The following TKT variants were observed in gnomAD, a reference collection of about 807,000 sequenced individuals.
TKT encodes the protein transketolase, also known as epididymis luminal protein 107.
Under a neutral mutation model 63.9 loss-of-function variants are expected in TKT, and 47 were observed. That is an observed-to-expected ratio of 0.74 (90% CI 0.58 to 0.94). The LOEUF is 0.94. Ranked by LOEUF, TKT falls within the 40% of genes least tolerant of loss-of-function variation. TKT has a pLI of 0.00. For synonymous variants in TKT, 338 were observed against 334.1 expected, an observed-to-expected ratio of 1.01 and a Z score of -0.13; for missense variants, 721 against 846.2, an observed-to-expected ratio of 0.85 and a Z score of 1.84.
At chr3:53,237,495 T>TACACATACACACAC (rs1705084838) in intron 4 of TKT, among the ~76,000 whole-genome samples, 1 of 144,898 alleles carries the variant, frequency 6.9e-6, no homozygotes, top group South Asian at 2.3e-4. Flanking sequence ...TTTTATATTA[T>TACACATACACACAC]ACACACACAC....
rs141784567 is a variant in TKT at position 53,229,096 on chromosome 3, T to C, written c.1306A>G (p.Met436Val). 1,374 of 1,614,124 alleles carry C rather than the reference T, an allele frequency of 8.5e-4. 32 individuals are homozygous for C. The East Asian group carries it at 0.024, about 28-fold the overall frequency. Reference sequence around the variant, plus strand: ...GTTGATGTGGGGACTGACCGAAACATAGCCAGATCTTCTAGGGCCATCTGG... The same window carrying C: ...GTTGATGTGGGGACTGACCGAAACACAGCCAGATCTTCTAGGGCCATCTGG... ...PSQMALEDLA[M>V]FRSVPTSTVF... The change falls in exon 10 of 14, where the codon ATG (methionine) becomes GTG (valine). Residue 436 changes from methionine (M) to valine (V), a missense_variant. Transcript: ENST00000462138.
intron 1 of TKT, 59 bp from the exon 2 acceptor site, chr3:53,242,301 G>A: frequency 6.6e-7 from 1 of 1,519,502 alleles, no homozygotes; most frequent in East Asian, 2.3e-5. Flanking sequence ...CTGAGCTATT[G>A]TGCTCAGCTG....
chr3:53,248,254 C>G (rs1553681210), intron 1 of TKT, among the ~76,000 whole-genome samples: 1 of 152,172 alleles, frequency 6.6e-6, no homozygotes, highest in East Asian at 1.9e-4. Context: ...CTGCCAGCAG[C>G]AGAGCTAGGA....
rs782018677 is a variant in TKT, at chr3:53,230,601, G to C, written c.963C>G (p.Tyr321Ter). The change falls in exon 8 of 14, where the codon TAC (tyrosine) becomes TAG (stop). Residue 321 changes from tyrosine (Y) to a stop codon, truncating the protein, a stop_gained. Coordinates refer to ENST00000462138, the MANE Select transcript of TKT (RefSeq NM_001064.4). LOFTEE classifies it high-confidence loss of function. ...GGCCCAGCTTGGCCAGTGCCTGCCCGTAGGCCTTGCGGGTGGCTATCTGTG... is the reference window on the plus strand; with the variant it reads ...GGCCCAGCTTGGCCAGTGCCTGCCCCTAGGCCTTGCGGGTGGCTATCTGTG... ...VGDKIATRKA[Y>*]GQALAKLGHA... is the part of the protein sequence containing the mutation. 1.2e-6 allele frequency: 2 copies of C among 1,614,092 alleles called. No homozygotes were observed. The highest frequency in any genetic ancestry group is 1.1e-5 in the South Asian group (1 of 91,088).
intron 3 of TKT, 58 bp downstream of exon 3, chr3:53,241,072 CAT>C (rs1198785464): frequency 7.0e-7 from 1 of 1,420,294 alleles, no homozygotes; most frequent in Non-Finnish European, 9.4e-7. Context: ...CCCCGTCCCA[CAT>C]GTCTGGGAAA....
chr3:53,231,100 C>A (rs1176241306), intron 7 of TKT, among the ~76,000 whole-genome samples: 1 of 152,198 alleles, frequency 6.6e-6, no homozygotes, highest in African/African-American at 2.4e-5. Context: ...GAGTCCTTGG[C>A]TTTGATCTCA....
At chr3:53,254,707 C>T (rs1705905037) in intron 1 of TKT, among the ~76,000 whole-genome samples, 1 of 152,212 alleles carries the variant, frequency 6.6e-6, no homozygotes. Flanking sequence ...CTTGAAACCA[C>T]CCAGCGTGGT....
intron 6 of TKT, 111 bp downstream of exon 6, chr3:53,233,045 T>G: frequency 2.2e-6 from 2 of 892,984 alleles, no homozygotes; most frequent in Non-Finnish European, 3.5e-6. Context: ...TGGAGCCTGG[T>G]GAGCTCAGTG....
Position 53,225,933 on chromosome 3 carries a change from T to G in TKT, c.1697-2A>C. The G allele has an allele frequency of 6.2e-7, 1 of 1,603,310 alleles. No homozygotes were observed. The highest frequency in any genetic ancestry group is 1.7e-5 in the Admixed American group (1 of 58,964). ...TGGACACAGCCTCACCAATGCCACC[T>G]AGAAATGAAAGGAGGGGAGTCAGAA... On this transcript the variant is annotated splice_acceptor_variant, in intron 13 of 13. Coordinates refer to ENST00000462138, the MANE Select transcript of TKT (RefSeq NM_001064.4). LOFTEE classifies it high-confidence loss of function.
chr3:53,247,755 C>A (rs531381557), intron 1 of TKT, among the ~76,000 whole-genome samples: 2 of 152,174 alleles, frequency 1.3e-5, no homozygotes, highest in South Asian at 2.1e-4. Context: ...GGCTTCTGCC[C>A]GGAAAGAACC....
chr3:53,243,389 C>G (rs1038620267), intron 1 of TKT, among the ~76,000 whole-genome samples: 1 of 148,766 alleles, frequency 6.7e-6, no homozygotes, highest in Non-Finnish European at 1.5e-5. Flanking sequence ...CGAAGACACG[C>G]CGCATGCCAA....
In TKT at chr3:53,241,195, C is replaced by T. The variant is rs1553679783; in HGVS notation, c.276G>A (p.Leu92=). The change falls in exon 3 of 14, where the codon CTG becomes CTA. Residue 92 remains leucine (L), a synonymous_variant. Coordinates refer to ENST00000462138, the MANE Select transcript of TKT (RefSeq NM_001064.4). ...LYAVWAEAGF[L]AEAELLNLRK... is the part of the protein sequence containing the mutation. Reference sequence around the variant, plus strand: ...TCAGGTTCAGCAGCTCCGCCTCGGCCAGGAAACCAGCTTCAGCCCAGACCG... The same window carrying T: ...TCAGGTTCAGCAGCTCCGCCTCGGCTAGGAAACCAGCTTCAGCCCAGACCG... 1.3e-6 allele frequency: 2 copies of T among 1,597,784 alleles called. No homozygotes were observed. Among genetic ancestry groups the T allele is most frequent in the East Asian group, 2.3e-5 (1 of 43,290 alleles).
intron 4 of TKT, 75 bp from the exon 5 acceptor site, chr3:53,235,249 G>C: frequency 7.5e-7 from 1 of 1,327,086 alleles, no homozygotes; most frequent in Non-Finnish European, 9.8e-7. Flanking sequence ...ACCCATCCAA[G>C]GAGCCTGCAT....
At chr3:53,226,323 G>T in intron 13 of TKT, 2 of 250,828 alleles carry the variant, frequency 8.0e-6, no homozygotes, top group Non-Finnish European at 1.6e-5. Context: ...ATCTACATTT[G>T]ACCCCAGAGT....
In TKT at chr3:53,230,632, G is replaced by C; in HGVS notation, c.943-11C>G. On this transcript the variant is annotated splice_polypyrimidine_tract_variant and intron_variant, in intron 7 of 13. Coordinates refer to ENST00000462138, the MANE Select transcript of TKT (RefSeq NM_001064.4). ...CTTGCGGGTGGCTATCTGTGAGGAA[G>C]AGAGTGGGAAGGCTCTGGACCCCTC... The C allele has an allele frequency of 6.2e-7, 1 of 1,613,992 alleles. No individual in the cohort carries two copies. Among genetic ancestry groups the C allele is most frequent in the Non-Finnish European group, 8.5e-7 (1 of 1,179,898 alleles).
rs1357920097 is a variant in TKT at position 53,255,825 on chromosome 3, C to A, written c.107+11G>T. ...CCCGAGCCGCGTCCCCGGCCGGCGC[C>A]GCGCACTCACCCAGAGCCCGCCGCA... On this transcript the variant is annotated intron_variant, in intron 1 of 13. Transcript: ENST00000462138. The A allele has an allele frequency of 4.7e-6, 7 of 1,496,262 alleles. No homozygotes were observed. The highest frequency in any genetic ancestry group is 6.2e-6 in the Non-Finnish European group (7 of 1,120,500). The allele number at this position is 1,496,262 out of a possible 1,614,324, so 92.7% of individuals were successfully genotyped here. A position where few individuals can be genotyped will look rare whatever the true frequency, so the allele number is the denominator to read the frequency against.
Position 53,230,460 on chromosome 3 carries a change from G to A in TKT, c.1104C>T (p.Asn368=). ...RFIECYIAEQ[N]MVSIAVGCAT... ...CCCTGCCGGCCCCAGCACCTACCAT[G>A]TTCTGCTCAGCAATGTAGCACTCGA... The change falls in exon 8 of 14, where the codon AAC becomes AAT. Residue 368 remains asparagine, a synonymous_variant. Transcript: ENST00000462138. 6.2e-7 allele frequency: 1 copy of A among 1,614,232 alleles called. No individual in the cohort carries two copies. The highest frequency in any genetic ancestry group is 1.7e-5 in the Admixed American group (1 of 60,028).
intron 2 of TKT, 177 bp downstream of exon 2, chr3:53,241,948 A>G (rs1018315858): frequency 3.2e-6 from 2 of 625,324 alleles, no homozygotes; most frequent in Non-Finnish European, 5.7e-6. Context: ...TGTATTCCTT[A>G]GCCAGCTGGG....
intron 1 of TKT, among the ~76,000 whole-genome samples, chr3:53,246,630 A>T (rs949535575): frequency 2.0e-4 from 30 of 152,176 alleles, no homozygotes; most frequent in Admixed American, 3.9e-4. Flanking sequence ...AGGAGGGCAG[A>T]TCACCTGAGG....
Sources: gnomAD v4.1 joint callset for allele counts (sites outside exome capture counted in the v4.1 genomes callset) on GRCh38, gnomAD v4.1.1 for gene constraint, MANE v1.5 for transcripts, NCBI Gene and HGNC (gene_info 2026-07-23, HGNC 2026-07-21) for gene names.